Variants in NUP160 observed in about 807,000 individuals in gnomAD.
NUP160 encodes nuclear pore complex protein Nup160.
In NUP160, 94 loss-of-function variants were observed where a neutral mutation model predicts 196.9. The observed-to-expected ratio is 0.48, with a 90% CI of 0.40 to 0.57. The LOEUF is 0.57. NUP160 is among the 20% of genes least tolerant of loss of function. The pLI, the probability that NUP160 is intolerant of heterozygous loss-of-function variation, is 0.00. For synonymous variants in NUP160, 605 were observed against 619.7 expected (o/e 0.98, Z 0.35); for missense variants, 1,638 against 1,748.3 (o/e 0.94, Z 1.13).
At chr11:47,837,440 C>T in intron 5 of NUP160, 105 bp downstream of exon 5, 1 of 845,996 alleles carries the variant, frequency 1.2e-6, no homozygotes. Flanking sequence ...TTCTCCTTTC[C>T]AGTATAATGT....
At chr11:47,786,223 C>A (rs556309239) in intron 32 of NUP160, among the ~76,000 whole-genome samples, 1 of 152,158 alleles carries the variant, frequency 6.6e-6, no homozygotes, top group African/African-American at 2.4e-5. Context: ...AACAGTAAGT[C>A]TTTGAGGAGG....
At chr11:47,781,166 T>C (rs1480980296) in intron 34 of NUP160, among the ~76,000 whole-genome samples, 1 of 151,796 alleles carries the variant, frequency 6.6e-6, no homozygotes, top group Non-Finnish European at 1.5e-5. Context: ...GAGGTTACAG[T>C]GAGCCGAGAT....
intron 14 of NUP160, 114 bp downstream of exon 14, chr11:47,813,202 G>T: frequency 1.0e-6 from 1 of 988,424 alleles, no homozygotes. Context: ...TATTTGTGGT[G>T]TGGTAAAGTG....
exon 3 of NUP160, chr11:47,840,544 T>C: frequency 6.2e-7 from 1 of 1,613,344 alleles, no homozygotes; most frequent in Admixed American, 1.7e-5. Context: ...CAGATTTATG[T>C]CCAGTGACTC....
rs758931011 is a variant in NUP160, at chr11:47,798,409, T to C, written c.2950A>G (p.Thr984Ala). The C allele has an allele frequency of 9.3e-6, 15 of 1,610,980 alleles. No homozygotes were observed. Among genetic ancestry groups the C allele is most frequent in the South Asian group, 1.1e-5 (1 of 90,992 alleles). Reference sequence around the variant, plus strand: ...TCACCTGCTTCAGTTATGGCTGATGTAGCCAACTGAATAACCAGTTCAGGC... The same window carrying C: ...TCACCTGCTTCAGTTATGGCTGATGCAGCCAACTGAATAACCAGTTCAGGC... Residue 984 changes from threonine to alanine, a missense_variant, in exon 24 of 36, where the codon ACA (threonine) becomes GCA (alanine). Around this residue, in one of 3 missense-constraint regions of NUP160, gnomAD observed 1,345 missense variants for 1,470.2 expected, o/e 0.91. Coordinates refer to ENST00000378460, the Ensembl canonical transcript of NUP160.
At chr11:47,786,865 T>G in intron 31 of NUP160, 1 of 272,990 alleles carries the variant, frequency 3.7e-6, no homozygotes, top group Non-Finnish European at 7.3e-6. Context: ...CTCAGCTCAC[T>G]GCAACCTCTG....
intron 33 of NUP160, among the ~76,000 whole-genome samples, chr11:47,784,294 C>CT (rs1350849571): frequency 1.3e-5 from 2 of 152,146 alleles, no homozygotes; most frequent in Non-Finnish European, 2.9e-5. Context: ...TGCAGACAGT[C>CT]TAAGAACCCG....
At chr11:47,785,098 A>ATTATTTTTTTTTTTTTTTTTTTT in intron 32 of NUP160, 35 bp from the exon 33 acceptor site, 3 of 1,137,368 alleles carry the variant, frequency 2.6e-6, no homozygotes, top group East Asian at 2.7e-5. Flanking sequence ...TGAGTTTCAG[A>ATTATTTTTTTTTTTTTTTTTTTT]TTCTTAATAG....
At chr11:47,831,587 TA>T (rs1852072875) in intron 7 of NUP160, among the ~76,000 whole-genome samples, 1 of 151,872 alleles carries the variant, frequency 6.6e-6, no homozygotes, top group Non-Finnish European at 1.5e-5. Context: ...CTCACGCCTG[TA>T]ATCCCAGCAC....
At position 47,804,254 on chromosome 11, in the gene NUP160, A is replaced by G. The variant is rs185474390; in HGVS notation, c.2676+295T>C. On this transcript the variant is annotated intron_variant, in intron 21 of 35. Coordinates refer to ENST00000378460, the Ensembl canonical transcript of NUP160. ...ACTGTCCAGAGAGAAGTAGAGAAAA[A>G]TCTCTCTCTTTAAAAATTTATTTTA... 1.3e-3 allele frequency: 354 copies of G among 277,942 alleles called. 1 individual carries two copies. The highest frequency in any genetic ancestry group is 7.4e-3 in the African/African-American group (333 of 44,950). 17.2% of individuals were successfully genotyped at this position (277,942 alleles called of 1,614,324 possible). A position where few individuals can be genotyped will look rare whatever the true frequency, so the allele number is the denominator to read the frequency against.
intron 4 of NUP160, among the ~76,000 whole-genome samples, chr11:47,838,147 A>T (rs1349755776): frequency 6.6e-6 from 1 of 152,204 alleles, no homozygotes; most frequent in Non-Finnish European, 1.5e-5. Context: ...TTTGAAAAGG[A>T]TGGTCAGGGA....
At chr11:47,813,145 T>C in intron 14 of NUP160, 98 bp from the exon 15 acceptor site, 1 of 1,041,630 alleles carries the variant, frequency 9.6e-7, no homozygotes, top group Non-Finnish European at 1.4e-6. Flanking sequence ...ACAAGAAATC[T>C]ATCTGAGGTC....
chr11:47,813,926 C>T (rs2097682633), intron 13 of NUP160, among the ~76,000 whole-genome samples: 1 of 151,792 alleles, frequency 6.6e-6, no homozygotes, highest in Non-Finnish European at 1.5e-5. Flanking sequence ...AAAAAATTAG[C>T]CAGGTGTGGT....
chr11:47,846,295 A>C (rs748249895), intron 2 of NUP160, among the ~76,000 whole-genome samples: 1 of 152,166 alleles, frequency 6.6e-6, no homozygotes, highest in Non-Finnish European at 1.5e-5. Flanking sequence ...TAATTAAATG[A>C]AATTTGTATC....
intron 23 of NUP160, among the ~76,000 whole-genome samples, chr11:47,801,193 A>C (rs1431729447): frequency 2.0e-5 from 3 of 152,228 alleles, no homozygotes; most frequent in Admixed American, 2.0e-4. Context: ...AAGACTAGTA[A>C]AGTGCAAATT....
intron 19 of NUP160, 150 bp downstream of exon 19, chr11:47,806,920 A>ACGGAGATC: frequency 1.6e-6 from 1 of 611,620 alleles, no homozygotes; most frequent in Non-Finnish European, 2.9e-6. Context: ...CATGCCACAA[A>ACGGAGATC]CGGAGATCTC....
exon 36 of NUP160, chr11:47,779,064 A>G (rs1447824265): frequency 2.1e-6 from 3 of 1,443,618 alleles, no homozygotes; most frequent in Non-Finnish European, 2.9e-6. Flanking sequence ...TTAAGTCCTA[A>G]GAGGCACCAA....
intron 20 of NUP160, 111 bp from the exon 21 acceptor site, chr11:47,804,729 G>A: frequency 2.9e-6 from 2 of 686,800 alleles, no homozygotes; most frequent in Non-Finnish European, 4.8e-6. Flanking sequence ...CATAAACAAG[G>A]CAGAGAAGTT....
intron 28 of NUP160, 57 bp downstream of exon 28, chr11:47,792,729 G>A: frequency 6.9e-7 from 1 of 1,459,462 alleles, no homozygotes; most frequent in South Asian, 1.4e-5. Context: ...ACCAAAACAA[G>A]TAGATTTACT....
Sources: allele counts gnomAD v4.1 joint callset (sites outside exome capture counted in the v4.1 genomes callset), GRCh38; gene constraint gnomAD v4.1.1; regional missense constraint gnomAD v4.1.1; transcripts MANE v1.5; gene names NCBI Gene and HGNC (gene_info 2026-07-23, HGNC 2026-07-21).